Variants in ZNF536 observed in about 807,000 individuals in gnomAD.
ZNF536 encodes zinc finger protein 536.
ZNF536 carries 13 observed loss-of-function variants against 84.5 expected under a neutral mutation model. The observed-to-expected ratio is 0.15, with a 90% CI of 0.10 to 0.24. The LOEUF (loss-of-function observed/expected upper bound fraction) is 0.24. Ranked by LOEUF, ZNF536 falls within the 10% of genes least tolerant of loss-of-function variation. ZNF536 has a pLI of 1.00. For synonymous variants in ZNF536, 811 were observed against 742.5 expected (o/e 1.09, Z -1.50); for missense variants, 1,536 against 1,747.5 (o/e 0.88, Z 2.16).
At chr19:30,560,916 T>C (rs989200548), downstream of ZNF536, among the ~76,000 whole-genome samples, 1 of 152,236 alleles carries the variant, frequency 6.6e-6, no homozygotes, top group Non-Finnish European at 1.5e-5. Flanking sequence ...GAGCAAGGGA[T>C]GCGCATTTTC....
intron 1 of ZNF536, among the ~76,000 whole-genome samples, chr19:30,638,589 A>G (rs1051304978): frequency 8.5e-5 from 13 of 152,312 alleles, no homozygotes; most frequent in African/African-American, 2.6e-4. Flanking sequence ...AAACCATTCA[A>G]GAGAAATCTT....
chr19:30,662,922 T>TTTTTCTC (rs2050174035), intron 1 of ZNF536, among the ~76,000 whole-genome samples: 1 of 151,390 alleles, frequency 6.6e-6, no homozygotes, highest in South Asian at 2.1e-4. Flanking sequence ...AAGGGAAAAT[T>TTTTTCTC]TTTTCTCTTT....
intron 3 of ZNF536, chr19:30,352,530 TC>T (rs1231418758): frequency 6.6e-6 from 1 of 152,250 alleles, no homozygotes; most frequent in Non-Finnish European, 1.5e-5. Flanking sequence ...CAGACATACC[TC>T]ATTTCCTTCT....
intron 1 of ZNF536, among the ~76,000 whole-genome samples, chr19:30,582,765 G>A (rs998480703): frequency 7.9e-5 from 12 of 152,136 alleles, no homozygotes; most frequent in Admixed American, 2.6e-4. Flanking sequence ...CAGCCAAGTG[G>A]AAAGGGAAAC....
At chr19:30,477,869 C>T (rs1002490226) in intron 2 of ZNF536, among the ~76,000 whole-genome samples, 12 of 152,144 alleles carry the variant, frequency 7.9e-5, no homozygotes, top group African/African-American at 2.9e-4. Context: ...TTATAAGTGA[C>T]CTCGGTGAGG....
intron 1 of ZNF536, among the ~76,000 whole-genome samples, chr19:30,251,783 C>T (rs1188309043): frequency 6.6e-6 from 1 of 152,148 alleles, no homozygotes; most frequent in East Asian, 1.9e-4. Flanking sequence ...ATTCTTATGC[C>T]TTTGCATCCT....
At chr19:30,556,378 A>G (rs2045966403) in intron 4 of ZNF536, 1 of 152,270 alleles carries the variant, frequency 6.6e-6, no homozygotes, top group South Asian at 2.1e-4. Context: ...TCTTGCAGAA[A>G]TCAGCACCTG....
chr19:30,253,343 C>A (rs1009371554), intron 1 of ZNF536, among the ~76,000 whole-genome samples: 6 of 152,140 alleles, frequency 3.9e-5, no homozygotes, highest in Non-Finnish European at 5.9e-5. Context: ...ATGTCTCTAT[C>A]AAAATTTTAA....
At chr19:30,355,972 C>T (rs181196994) in intron 3 of ZNF536, among the ~76,000 whole-genome samples, 1 of 152,338 alleles carries the variant, frequency 6.6e-6, no homozygotes, top group East Asian at 1.9e-4. Context: ...AAGCATCTAC[C>T]TGCCTCTGCC....
intron 1 of ZNF536, among the ~76,000 whole-genome samples, chr19:30,389,240 G>A (rs538728028): frequency 6.6e-6 from 1 of 152,334 alleles, no homozygotes; most frequent in East Asian, 1.9e-4. Flanking sequence ...TCTACTCAAA[G>A]GGGGTATGCG....
intron 1 of ZNF536, among the ~76,000 whole-genome samples, chr19:30,608,370 G>A (rs138288995): frequency 1.3e-4 from 20 of 152,202 alleles, no homozygotes; most frequent in African/African-American, 4.1e-4. Flanking sequence ...GGGATAATAA[G>A]CAGGTGAATG....
chr19:30,700,239 T>TCTTC (rs1491380279), intron 1 of ZNF536, among the ~76,000 whole-genome samples: 1 of 105,972 alleles, frequency 9.4e-6, no homozygotes, highest in African/African-American at 3.9e-5. Flanking sequence ...TTTCTTTCTT[T>TCTTC]CTCTCTCTCT....
At chr19:30,261,230 G>A (rs1490981800) in intron 1 of ZNF536, among the ~76,000 whole-genome samples, 2 of 145,204 alleles carry the variant, frequency 1.4e-5, no homozygotes, top group Non-Finnish European at 3.0e-5. Flanking sequence ...CCCGGGAGGC[G>A]GAGCTTGCAG....
At position 30,476,958 on chromosome 19, in the gene ZNF536, T is replaced by G. The variant is rs552831204; in HGVS notation, c.2170+31226T>G. Among the ~76,000 whole-genome samples the G allele has an allele frequency of 6.6e-5, 9 of 135,772 alleles. No homozygotes were observed. In the East Asian group the frequency reaches 1.4e-3, roughly 21 times the overall value. 89.1% of individuals were successfully genotyped at this position (135,772 alleles called of 152,430 possible). On this transcript the variant is annotated intron_variant, in intron 2 of 4. Transcript: ENST00000355537. ...CTTTGCACTTCCTATACTTGCTGGG[T>G]TTTTTTTTTTAATAGAGATGGGGTC...
Position 30,515,389 on chromosome 19 carries a change from G to A in ZNF536, c.2171-19458G>A, listed in dbSNP as rs114062328. ...GTTAACTGCTATTGAAGTAGTTATC[G>A]TTTATGATAAGAGTTCAGATTTTAT... On this transcript the variant is annotated intron_variant, in intron 2 of 4. Transcript: ENST00000355537. 2.9e-3 allele frequency among the ~76,000 whole-genome samples: 436 copies of A among 152,314 alleles called. 3 individuals are homozygous for A. Among genetic ancestry groups the A allele is most frequent in the African/African-American group, 9.6e-3 (400 of 41,572 alleles).
chr19:30,364,973 G>A (rs1005082079), intron 3 of ZNF536, among the ~76,000 whole-genome samples: 9 of 152,182 alleles, frequency 5.9e-5, no homozygotes, highest in Non-Finnish European at 2.9e-5. Context: ...TCAACTCTGC[G>A]CTTTACGCCT....
At chr19:30,462,143 C>T (rs1394483522) in intron 2 of ZNF536, among the ~76,000 whole-genome samples, 1 of 152,178 alleles carries the variant, frequency 6.6e-6, no homozygotes, top group Non-Finnish European at 1.5e-5. Flanking sequence ...AGCCACTTTG[C>T]ACTGGACACA....
chr19:30,335,077 C>T (rs1282000663), intron 2 of ZNF536, among the ~76,000 whole-genome samples: 1 of 152,174 alleles, frequency 6.6e-6, no homozygotes, highest in Non-Finnish European at 1.5e-5. Context: ...GATCTCCGTA[C>T]AGCATCTGGG....
intron 1 of ZNF536, among the ~76,000 whole-genome samples, chr19:30,381,452 G>A (rs1955700439): frequency 1.3e-5 from 2 of 152,216 alleles, no homozygotes; most frequent in East Asian, 3.9e-4. Context: ...GGTCTTGGGA[G>A]GCCTCTCTAA....
Sources: gnomAD v4.1 joint callset for allele counts (sites outside exome capture counted in the v4.1 genomes callset) on GRCh38, gnomAD v4.1.1 for gene constraint, MANE v1.5 for transcripts, NCBI Gene and HGNC (gene_info 2026-07-23, HGNC 2026-07-21) for gene names.